PRC1: variants seen among roughly 807,000 people sequenced by gnomAD.
The protein encoded by PRC1 is protein regulator of cytokinesis 1.
A neutral mutation model predicts 91.2 loss-of-function variants in PRC1; 54 were observed. The ratio of observed to expected loss-of-function variants is 0.59; its 90% CI spans 0.48 to 0.74. PRC1 has a LOEUF of 0.74. Among genes scored for constraint, PRC1 ranks in the 30% least tolerant of loss-of-function variants. PRC1 has a pLI of 0.00. For missense variants in PRC1, 727 were observed against 746.2 expected (o/e 0.97, Z 0.30); for synonymous variants, 275 against 263.6 (o/e 1.04, Z -0.42).
At chr15:90,967,331 A>G (rs2037592905) in intron 14 of PRC1, 129 bp from the exon 15 acceptor site, 1 of 707,308 alleles carries the variant, frequency 1.4e-6, no homozygotes, top group Non-Finnish European at 2.5e-6. Flanking sequence ...AGCCTGCAAT[A>G]GGCTGCGTTA....
chr15:90,987,798 T>G (rs1209730130), intron 1 of PRC1: 1 of 152,170 alleles, frequency 6.6e-6, no homozygotes, highest in Admixed American at 6.5e-5. Flanking sequence ...CCTTTCTGTC[T>G]CAGAGCTTTC....
chr15:90,973,578 G>T (rs906080619), intron 11 of PRC1, among the ~76,000 whole-genome samples: 4 of 152,026 alleles, frequency 2.6e-5, no homozygotes, highest in African/African-American at 4.8e-5. Flanking sequence ...GCATGCCCCT[G>T]GGAACGGAAT....
chr15:90,977,220 A>AAGTAATGC (rs1251941464), intron 8 of PRC1: 4 of 152,906 alleles, frequency 2.6e-5, no homozygotes, highest in Non-Finnish European at 5.8e-5. Flanking sequence ...CTTTCTAGTC[A>AAGTAATGC]AGTAATGCAG....
chr15:90,974,312 C>G lies in PRC1; in HGVS notation c.1351-66G>C. The G allele has an allele frequency of 2.1e-6, 3 of 1,396,780 alleles. No homozygotes were observed. Among genetic ancestry groups the G allele is most frequent in the Non-Finnish European group, 3.0e-6 (3 of 989,452 alleles). The allele number at this position is 1,396,780 out of a possible 1,614,324, so 86.5% of individuals were successfully genotyped here. On this transcript the variant is annotated intron_variant, in intron 10 of 14. Coordinates refer to ENST00000394249, the MANE Select transcript of PRC1 (RefSeq NM_003981.4). The surrounding 1 kb of genome is among the most constrained non-coding windows in gnomAD (Gnocchi z 4.6). ...GAGAGCGGGTCTGGGATGGCAACAG[C>G]AGCAGGGCCGGGAATCTAGGCCCGT...
intron 11 of PRC1, among the ~76,000 whole-genome samples, chr15:90,973,521 C>T (rs1041078127): frequency 3.3e-5 from 5 of 152,098 alleles, no homozygotes; most frequent in South Asian, 2.1e-4. Context: ...CGACACCCGT[C>T]GTCTGTGCTC....
At chr15:90,978,261 T>C (rs781526106) in intron 8 of PRC1, among the ~76,000 whole-genome samples, 2 of 152,182 alleles carry the variant, frequency 1.3e-5, no homozygotes, top group African/African-American at 4.8e-5. Context: ...AGAATGTTAG[T>C]TGCCTGCCCC....
At chr15:90,993,876 AG>A (rs1472800636) in intron 1 of PRC1, among the ~76,000 whole-genome samples, 9 of 152,220 alleles carry the variant, frequency 5.9e-5, no homozygotes, top group African/African-American at 2.2e-4. Context: ...TGAAGCCAGG[AG>A]TTCGAGACCA....
chr15:90,967,239 C>G, intron 14 of PRC1, 37 bp from the exon 15 acceptor site: 1 of 1,535,594 alleles, frequency 6.5e-7, no homozygotes, highest in Non-Finnish European at 9.0e-7. Flanking sequence ...GCCATACTGC[C>G]TCTCTTACAC....
rs1416200869 is a variant in PRC1 at position 90,974,076 on chromosome 15, G to C, written c.1461+60C>G. The C allele has an allele frequency of 1.4e-6, 2 of 1,438,660 alleles. No homozygotes were observed. Among genetic ancestry groups the C allele is most frequent in the Non-Finnish European group, 2.0e-6 (2 of 1,022,766 alleles). 89.1% of individuals were successfully genotyped at this position (1,438,660 alleles called of 1,614,324 possible). ...AGGGGCTGGCCCCCTTCAAAGAGGT[G>C]GCTGGGACTACCCTCACCCACTCCC... On this transcript the variant is annotated intron_variant, in intron 11 of 14. Transcript: ENST00000394249. This position sits in a 1 kb window ranked among gnomAD's most constrained non-coding sequence, Gnocchi z 4.6.
chr15:90,967,218 T>TA lies in PRC1; in HGVS notation c.1792-17dup. The TA allele has an allele frequency of 6.2e-7, 1 of 1,607,212 alleles. No individual in the cohort carries two copies. The highest frequency in any genetic ancestry group is 8.5e-7 in the Non-Finnish European group (1 of 1,173,676). ...AAAGTTCTCGCTGTTGAAAAATAAA[T>TA]AACATCAGTGGCCATACTGCCTCTC... On this transcript the variant is annotated splice_polypyrimidine_tract_variant and intron_variant, in intron 14 of 14. Coordinates refer to ENST00000394249, the MANE Select transcript of PRC1 (RefSeq NM_003981.4).
chr15:90,994,299 C>T (rs1248143928), intron 1 of PRC1, 108 bp downstream of exon 1: 23 of 1,527,294 alleles, frequency 1.5e-5, no homozygotes, highest in Non-Finnish European at 1.7e-5. Context: ...ACTGCCGTGA[C>T]GATCTAGGCC....
In PRC1 at chr15:90,994,442, G is replaced by A. The variant is rs548466582; in HGVS notation, c.-25C>T. 1.2e-6 allele frequency: 2 copies of A among 1,610,224 alleles called. No individual in the cohort carries two copies. The highest frequency in any genetic ancestry group is 2.2e-5 in the South Asian group (2 of 90,600). ...TGGCGGACGCTCCAAGCAGCCGTGA[G>A]TCCAGGTCCAGACCTACTCCACACG... On this transcript the variant is annotated 5_prime_UTR_variant, in exon 1 of 15. Transcript: ENST00000394249.
chr15:90,994,272 G>A (rs973063309), intron 1 of PRC1, 135 bp downstream of exon 1: 1 of 1,387,596 alleles, frequency 7.2e-7, no homozygotes, highest in African/African-American at 1.5e-5. Context: ...CAGCGCCCCC[G>A]GCCTCCCTCG....
chr15:90,974,836 A>G lies in PRC1; in HGVS notation c.1204-105T>C, dbSNP rs2038531217. ...GACTCCTCCTCCCCAGAGCATCATT[A>G]GCCTCATTTCAGGTAGCTGGGCCCA... On this transcript the variant is annotated intron_variant, in intron 9 of 14. Transcript: ENST00000394249. The surrounding 1 kb of genome is among the most constrained non-coding windows in gnomAD (Gnocchi z 4.6). The G allele has an allele frequency of 1.4e-6, 2 of 1,388,380 alleles. No homozygotes were observed. Among genetic ancestry groups the G allele is most frequent in the Non-Finnish European group, 2.0e-6 (2 of 996,632 alleles). The allele number at this position is 1,388,380 out of a possible 1,614,324, so 86.0% of individuals were successfully genotyped here.
chr15:90,993,474 C>T (rs2151643916), intron 1 of PRC1, among the ~76,000 whole-genome samples: 1 of 152,314 alleles, frequency 6.6e-6, no homozygotes, highest in East Asian at 1.9e-4. Context: ...AATTAGTGAT[C>T]ATGAAATGAA....
At position 90,981,950 on chromosome 15, in the gene PRC1, T is replaced by C; in HGVS notation, c.299A>G (p.Glu100Gly). 1 of 1,614,196 alleles carries C rather than the reference T, an allele frequency of 6.2e-7. No homozygotes were observed. Among genetic ancestry groups the C allele is most frequent in the Non-Finnish European group, 8.5e-7 (1 of 1,180,040 alleles). ...EEGETTILQL[E>G]KDLRTQVELM... ...TTCCACTTGGGTGCGCAAATCTTTT[T>C]CTAGTTGCAAGATGGTCGTCTCTCC... is the stretch of plus-strand genomic sequence containing the variant. The change falls in exon 4 of 15, where the codon GAA (glutamate) becomes GGA (glycine). Residue 100 changes from glutamate to glycine, a missense_variant. Physicochemically the swap from Glu to Gly is moderately conservative, Grantham distance 98. Coordinates refer to ENST00000394249, the MANE Select transcript of PRC1 (RefSeq NM_003981.4).
At chr15:90,986,893 G>GA (rs56935179) in intron 1 of PRC1, among the ~76,000 whole-genome samples, 42,457 of 144,784 alleles carry the variant, frequency 0.29, 7,135 homozygotes, top group East Asian at 0.52. Flanking sequence ...GAAGAGGAAG[G>GA]AAAAAAAAAA....
At chr15:90,986,364 C>A (rs2039573104) in intron 1 of PRC1, among the ~76,000 whole-genome samples, 1 of 152,224 alleles carries the variant, frequency 6.6e-6, no homozygotes, top group Admixed American at 6.5e-5. Context: ...TGCAGTGGCT[C>A]ACACCTGTAA....
At chr15:90,967,337 C>T (rs373256023) in intron 14 of PRC1, 135 bp from the exon 15 acceptor site, 18 of 689,844 alleles carry the variant, frequency 2.6e-5, no homozygotes, top group South Asian at 5.1e-5. Context: ...CAATAGGCTG[C>T]GTTAGGAGTA....
Sources: gnomAD v4.1 joint callset for allele counts (sites outside exome capture counted in the v4.1 genomes callset) on GRCh38, gnomAD v4.1.1 for gene constraint, Gnocchi (gnomAD v3.1) non-coding constraint, MANE v1.5 for transcripts, NCBI Gene and HGNC (gene_info 2026-07-23, HGNC 2026-07-21) for gene names.